Variants in AUTS2 observed in about 807,000 individuals in gnomAD.
AUTS2 encodes the protein activator of transcription and developmental regulator AUTS2.
Under a neutral mutation model 112.4 loss-of-function variants are expected in AUTS2, and 17 were observed. The observed-to-expected ratio is 0.15, with a 90% CI of 0.10 to 0.23. AUTS2 has a LOEUF of 0.23. Among genes scored for constraint, AUTS2 ranks in the 10% least tolerant of loss-of-function variants. The pLI, the probability that AUTS2 is intolerant of heterozygous loss-of-function variation, is 1.00. For missense variants in AUTS2, 1,510 were observed against 1,701.6 expected, an observed-to-expected ratio of 0.89 and a Z score of 1.98; for synonymous variants, 751 against 702.7, an observed-to-expected ratio of 1.07 and a Z score of -1.09.
chr7:70,570,236 G>C (rs1367769719), intron 5 of AUTS2, among the ~76,000 whole-genome samples: 1 of 152,182 alleles, frequency 6.6e-6, no homozygotes, highest in East Asian at 1.9e-4. Context: ...ACTCCTGAAT[G>C]AGGTGGTTGG....
chr7:69,878,839 G>A (rs1793915760), intron 1 of AUTS2, among the ~76,000 whole-genome samples: 1 of 152,156 alleles, frequency 6.6e-6, no homozygotes, highest in African/African-American at 2.4e-5. Context: ...ATGCCATTGT[G>A]TTTCTATACT....
chr7:70,608,221 A>G (rs1287076833), intron 5 of AUTS2, among the ~76,000 whole-genome samples: 2 of 152,142 alleles, frequency 1.3e-5, no homozygotes, highest in Non-Finnish European at 2.9e-5. Flanking sequence ...CTCCTCCCTC[A>G]GCCTCCCAAG....
chr7:70,117,274 A>G (rs1805433642), intron 2 of AUTS2, among the ~76,000 whole-genome samples: 2 of 151,926 alleles, frequency 1.3e-5, no homozygotes, highest in South Asian at 4.1e-4. Context: ...TTAAATATGT[A>G]GTAAGAAACC....
chr7:70,080,833 C>T (rs954285904), intron 2 of AUTS2, among the ~76,000 whole-genome samples: 6 of 152,092 alleles, frequency 3.9e-5, no homozygotes, highest in South Asian at 2.1e-4. Flanking sequence ...CACCAACTGT[C>T]GAACACTTAA....
At chr7:70,210,553 A>G (rs1810824968) in intron 4 of AUTS2, among the ~76,000 whole-genome samples, 2 of 152,220 alleles carry the variant, frequency 1.3e-5, no homozygotes, top group African/African-American at 4.8e-5. Context: ...CATAAAAGTT[A>G]TCTAAATTCA....
intron 1 of AUTS2, among the ~76,000 whole-genome samples, chr7:69,760,491 C>A (rs1190916102): frequency 2.6e-5 from 4 of 151,850 alleles, no homozygotes; most frequent in African/African-American, 9.7e-5. Context: ...GGCAGAGAAA[C>A]CTAAATCCTA....
chr7:70,105,253 T>A (rs1042542012), intron 2 of AUTS2, among the ~76,000 whole-genome samples: 22 of 152,024 alleles, frequency 1.4e-4, no homozygotes, highest in African/African-American at 5.3e-4. Context: ...GAAGACTGCA[T>A]ATTTGTCTTT....
rs1241277251 is a variant in AUTS2 at position 70,787,202 on chromosome 7, A to T, written c.2309-7A>T. On this transcript the variant is annotated splice_polypyrimidine_tract_variant and splice_region_variant and intron_variant, in intron 17 of 18. Coordinates refer to ENST00000342771, the MANE Select transcript of AUTS2 (RefSeq NM_015570.4). ...AAACCTTTTTGTTCTCCACTTCACC[A>T]TTTCAGCACCCAACTCAATGTTCGG... 3 of 1,614,074 alleles carry T rather than the reference A, an allele frequency of 1.9e-6. No individual in the cohort carries two copies. The highest frequency in any genetic ancestry group is 3.3e-5 in the Admixed American group (2 of 60,018).
intron 2 of AUTS2, among the ~76,000 whole-genome samples, chr7:70,084,208 G>T (rs1048199998): frequency 2.0e-5 from 3 of 152,052 alleles, no homozygotes; most frequent in East Asian, 1.9e-4. Context: ...AGGAGGGGGG[G>T]TTCTGGCTTC....
chr7:70,621,969 C>T (rs111719250), intron 5 of AUTS2, among the ~76,000 whole-genome samples: 2 of 150,818 alleles, frequency 1.3e-5, no homozygotes, highest in East Asian at 2.0e-4. Context: ...GCCTCAGCCT[C>T]GCGAGTAACT....
intron 4 of AUTS2, among the ~76,000 whole-genome samples, chr7:70,300,085 C>G (rs996482861): frequency 6.6e-6 from 1 of 152,040 alleles, no homozygotes; most frequent in Non-Finnish European, 1.5e-5. Context: ...ATGTGTATAT[C>G]AAGTGTCTTT....
chr7:70,387,393 G>A (rs1446999263), intron 4 of AUTS2, among the ~76,000 whole-genome samples: 1 of 152,054 alleles, frequency 6.6e-6, no homozygotes, highest in Non-Finnish European at 1.5e-5. Flanking sequence ...GGCTTCTCTG[G>A]CACTCCACAT....
rs192170930 is a variant in AUTS2, at chr7:70,055,708, G to A, written c.523-62424G>A. On this transcript the variant is annotated intron_variant, in intron 2 of 18. Transcript: ENST00000342771. ...ACACCACTGGAGATTTTTAAGGTGG[G>A]TATGGGTATTAAGGTGGGTATTGTT... is the stretch of plus-strand genomic sequence containing the variant. 2.0e-3 allele frequency among the ~76,000 whole-genome samples: 306 copies of A among 152,236 alleles called. 2 individuals carry two copies. The highest frequency in any genetic ancestry group is 6.8e-3 in the Middle Eastern group (2 of 294).
At chr7:70,773,041 G>C (rs1262770646) in intron 11 of AUTS2, among the ~76,000 whole-genome samples, 1 of 152,208 alleles carries the variant, frequency 6.6e-6, no homozygotes. Context: ...CCAGGCCATC[G>C]TCCTGATTGA....
At chr7:69,965,999 G>A (rs1797622825) in intron 2 of AUTS2, among the ~76,000 whole-genome samples, 1 of 152,146 alleles carries the variant, frequency 6.6e-6, no homozygotes, top group South Asian at 2.1e-4. Flanking sequence ...CTGACTTGAG[G>A]TAGGGGTAGG....
chr7:69,968,917 T>C (rs1474958900), intron 2 of AUTS2, among the ~76,000 whole-genome samples: 1 of 152,168 alleles, frequency 6.6e-6, no homozygotes, highest in Non-Finnish European at 1.5e-5. Context: ...TCTTTACCCA[T>C]GTTGAAATTA....
chr7:69,656,549 A>G (rs938035564), intron 1 of AUTS2, among the ~76,000 whole-genome samples: 1 of 152,144 alleles, frequency 6.6e-6, no homozygotes, highest in Non-Finnish European at 1.5e-5. Flanking sequence ...CAGATAATGT[A>G]TCCTGTTTTT....
At chr7:70,285,474 C>T (rs1429228699) in intron 4 of AUTS2, among the ~76,000 whole-genome samples, 1 of 152,156 alleles carries the variant, frequency 6.6e-6, no homozygotes, top group Non-Finnish European at 1.5e-5. Context: ...CTGCTATTTA[C>T]TAGCAGTATT....
intron 5 of AUTS2, among the ~76,000 whole-genome samples, chr7:70,491,543 T>C: frequency 6.8e-6 from 1 of 147,634 alleles, no homozygotes; most frequent in East Asian, 2.0e-4. Context: ...TATATACACA[T>C]ATATGTTATA....
Sources: allele counts gnomAD v4.1 joint callset (sites outside exome capture counted in the v4.1 genomes callset), GRCh38; gene constraint gnomAD v4.1.1; transcripts MANE v1.5; gene names NCBI Gene and HGNC (gene_info 2026-07-23, HGNC 2026-07-21).